OPCML: variants seen among roughly 807,000 people sequenced by gnomAD.
The protein encoded by OPCML is opioid-binding protein/cell adhesion molecule.
OPCML carries 13 observed loss-of-function variants against 37.8 expected under a neutral mutation model. The ratio of observed to expected loss-of-function variants is 0.34; its 90% CI spans 0.22 to 0.55. OPCML has a LOEUF of 0.55. Ranked by LOEUF, OPCML falls within the 20% of genes least tolerant of loss-of-function variation. The probability of loss-of-function intolerance (pLI) is 0.91; values close to 1 mark genes in which losing one functional copy is unlikely to be tolerated. For synonymous variants in OPCML, 176 were observed against 168.8 expected (o/e 1.04, Z -0.33); for missense variants, 341 against 435.6 (o/e 0.78, Z 1.93).
intron 1 of OPCML, among the ~76,000 whole-genome samples, chr11:133,465,512 C>T (rs946825103): frequency 2.6e-5 from 4 of 152,158 alleles, no homozygotes; most frequent in African/African-American, 7.2e-5. Flanking sequence ...GCATCAGCTG[C>T]GTGCTAAGCA....
At chr11:132,859,904 C>G (rs1942228295) in intron 2 of OPCML, 1 of 152,156 alleles carries the variant, frequency 6.6e-6, no homozygotes, top group Non-Finnish European at 1.5e-5. Context: ...CCTCAGCTTC[C>G]TAGCCCTAAT....
intron 1 of OPCML, among the ~76,000 whole-genome samples, chr11:133,240,857 T>C (rs1375040527): frequency 6.6e-6 from 1 of 152,186 alleles, no homozygotes; most frequent in East Asian, 1.9e-4. Flanking sequence ...AATCTTTTAT[T>C]CCTCCAGGTT....
chr11:132,512,193 T>C (rs901690704), intron 4 of OPCML, among the ~76,000 whole-genome samples: 1 of 152,030 alleles, frequency 6.6e-6, no homozygotes, highest in Non-Finnish European at 1.5e-5. Context: ...TTAGAATAGA[T>C]AATATTTCAA....
chr11:132,668,335 T>C (rs74371022), intron 2 of OPCML, among the ~76,000 whole-genome samples: 1,775 of 152,250 alleles, frequency 0.012, 25 homozygotes, highest in African/African-American at 0.029. Context: ...TATTAATATA[T>C]TGTGGTGTTC....
At chr11:133,516,687 CCGGTG>C (rs1948280732) in intron 1 of OPCML, among the ~76,000 whole-genome samples, 1 of 152,068 alleles carries the variant, frequency 6.6e-6, no homozygotes, top group African/African-American at 2.4e-5. Context: ...TGGTGCAGAG[CCGGTG>C]CAGAGCCGGG....
intron 2 of OPCML, among the ~76,000 whole-genome samples, chr11:132,729,414 C>T (rs1939526): frequency 0.3 from 45,685 of 151,974 alleles, 7,015 homozygotes; most frequent in Middle Eastern, 0.36. Flanking sequence ...CACACTCTTC[C>T]AAGGTTGGAC....
intron 2 of OPCML, among the ~76,000 whole-genome samples, chr11:132,903,077 CCT>C (rs1944118715): frequency 6.6e-6 from 1 of 152,298 alleles, no homozygotes; most frequent in East Asian, 1.9e-4. Flanking sequence ...CCCCCATTTA[CCT>C]CTCTTTCATT....
chr11:132,867,909 C>T (rs1437405030), intron 2 of OPCML, among the ~76,000 whole-genome samples: 2 of 152,034 alleles, frequency 1.3e-5, no homozygotes, highest in South Asian at 4.2e-4. Context: ...TGTTGGCAGG[C>T]AAAGTGAAGA....
intron 1 of OPCML, among the ~76,000 whole-genome samples, chr11:133,435,185 C>A (rs930850586): frequency 6.6e-6 from 1 of 151,976 alleles, no homozygotes; most frequent in Non-Finnish European, 1.5e-5. Flanking sequence ...TTTTATGTAG[C>A]AAATTATATG....
intron 1 of OPCML, among the ~76,000 whole-genome samples, chr11:132,960,956 G>A (rs956406797): frequency 6.6e-6 from 1 of 152,186 alleles, no homozygotes; most frequent in African/African-American, 2.4e-5. Context: ...GGGAGAAGCA[G>A]CAGGTGCGGC....
chr11:132,432,575 C>T (rs775723072), intron 7 of OPCML, among the ~76,000 whole-genome samples: 3 of 152,190 alleles, frequency 2.0e-5, no homozygotes, highest in Non-Finnish European at 4.4e-5. Flanking sequence ...TATGCCATGG[C>T]ATTTCAATTC....
intron 2 of OPCML, among the ~76,000 whole-genome samples, chr11:132,935,517 A>G (rs1210752287): frequency 6.6e-6 from 1 of 152,234 alleles, no homozygotes; most frequent in Non-Finnish European, 1.5e-5. Context: ...TTGAGATGCC[A>G]TAAATCTTCA....
intron 4 of OPCML, among the ~76,000 whole-genome samples, chr11:132,474,904 C>T (rs541980564): frequency 6.6e-6 from 1 of 152,152 alleles, no homozygotes; most frequent in Non-Finnish European, 1.5e-5. Context: ...AGGCATAATC[C>T]CCTGGTCACA....
At chr11:132,936,056 C>T (rs974645388) in intron 2 of OPCML, among the ~76,000 whole-genome samples, 7 of 152,166 alleles carry the variant, frequency 4.6e-5, no homozygotes, top group African/African-American at 1.7e-4. Flanking sequence ...TTGCAGCGTG[C>T]ACCATTTCCA....
At chr11:133,427,432 G>C (rs1357935563) in intron 1 of OPCML, among the ~76,000 whole-genome samples, 1 of 114,540 alleles carries the variant, frequency 8.7e-6, no homozygotes, top group Non-Finnish European at 1.7e-5. Flanking sequence ...GGGGGGCGGG[G>C]TTCAAAAAAA....
chr11:133,204,987 A>T (rs1938999800), intron 1 of OPCML, among the ~76,000 whole-genome samples: 1 of 149,818 alleles, frequency 6.7e-6, no homozygotes. Context: ...CCAAACTGAT[A>T]GTGTCTTCTT....
chr11:132,974,088 G>C (rs1245744449), intron 1 of OPCML, among the ~76,000 whole-genome samples: 1 of 152,076 alleles, frequency 6.6e-6, no homozygotes, highest in Non-Finnish European at 1.5e-5. Context: ...CCATGCTTTG[G>C]GTTTTATCCC....
At chr11:133,035,769 G>A (rs1237490933) in intron 1 of OPCML, among the ~76,000 whole-genome samples, 3 of 152,074 alleles carry the variant, frequency 2.0e-5, no homozygotes, top group African/African-American at 4.8e-5. Context: ...CTATATTACT[G>A]TTGTCCTTAT....
chr11:133,352,073 T>C (rs2136694260), intron 1 of OPCML, among the ~76,000 whole-genome samples: 1 of 152,326 alleles, frequency 6.6e-6, no homozygotes, highest in African/African-American at 2.4e-5. Flanking sequence ...TTTATGCTCC[T>C]TCTCCCCTGT....
Sources: allele counts gnomAD v4.1 joint callset (sites outside exome capture counted in the v4.1 genomes callset), GRCh38; gene constraint gnomAD v4.1.1; transcripts MANE v1.5; gene names NCBI Gene and HGNC (gene_info 2026-07-23, HGNC 2026-07-21).